CEP170B: variants seen among roughly 807,000 people sequenced by gnomAD.
CEP170B encodes the protein centrosomal protein of 170 kDa protein B.
In CEP170B, 55 loss-of-function variants were observed where a neutral mutation model predicts 120.6. That is an observed-to-expected ratio of 0.46 (90% CI 0.37 to 0.57). CEP170B has a LOEUF of 0.57. Ranked by LOEUF, CEP170B falls within the 20% of genes least tolerant of loss-of-function variation. The probability of loss-of-function intolerance (pLI) is 0.00; values close to 1 mark genes in which losing one functional copy is unlikely to be tolerated. For missense variants in CEP170B, 2,212 were observed against 2,253.3 expected, an observed-to-expected ratio of 0.98 and a Z score of 0.37; for synonymous variants, 1,033 against 954.5, an observed-to-expected ratio of 1.08 and a Z score of -1.52.
chr14:104,885,522 G>A lies in CEP170B; in HGVS notation c.1924G>A (p.Ala642Thr). 1.3e-6 allele frequency: 2 copies of A among 1,564,356 alleles called. No homozygotes were observed. Among genetic ancestry groups the A allele is most frequent in the South Asian group, 2.3e-5 (2 of 85,396 alleles). ...QEFASRPLGA[A>T]PQAEHQGLPV... is the part of the protein sequence containing the mutation. ...GTTTGCCTCCCGGCCACTGGGTGCG[G>A]CCCCCCAGGCGGAGCACCAGGTACA... The change falls in exon 10 of 19, where the codon GCC becomes ACC. Residue 642 changes from alanine (A) to threonine (T), a missense_variant. Ala to Thr is a moderately conservative substitution (Grantham distance 58). This residue lies in a region of CEP170B where 2,166 missense variants were observed against 2,166.7 expected (regional missense o/e 1.00). Coordinates refer to ENST00000414716, the MANE Select transcript of CEP170B (RefSeq NM_001112726.3).
intron 10 of CEP170B, 57 bp downstream of exon 10, chr14:104,885,599 A>C: frequency 1.3e-6 from 2 of 1,506,704 alleles, no homozygotes; most frequent in Non-Finnish European, 8.8e-7. Context: ...GGCAGCATCC[A>C]AGCCGGACCT....
rs767385509 is a variant in CEP170B at position 104,886,174 on chromosome 14, C to A, written c.2035+44C>A. ...GCGGGGGAGTCGGGCCAGGCCGGGG[C>A]GGGCCTCAGGCCACTGACCACGGAC... On this transcript the variant is annotated intron_variant, in intron 11 of 18. Coordinates refer to ENST00000414716, the MANE Select transcript of CEP170B (RefSeq NM_001112726.3). The A allele has an allele frequency of 2.7e-6, 4 of 1,490,452 alleles. No individual in the cohort carries two copies. In the East Asian group the frequency reaches 7.4e-5, roughly 28 times the overall value. 92.3% of individuals were successfully genotyped at this position (1,490,452 alleles called of 1,614,324 possible). A position where few individuals can be genotyped will look rare whatever the true frequency, so the allele number is the denominator to read the frequency against.
intron 13 of CEP170B, among the ~76,000 whole-genome samples, chr14:104,890,902 GGGATGGATGGAT>G (rs1318451155): frequency 9.7e-5 from 10 of 102,764 alleles, no homozygotes; most frequent in Non-Finnish European, 4.1e-5. Flanking sequence ...GGTGGATGGA[GGGATGGATGGAT>G]GGATGGATGG....
At position 104,886,019 on chromosome 14, in the gene CEP170B, C is replaced by T. The variant is rs781087699; in HGVS notation, c.1945-21C>T. ...GCCGTTGGGCTTGCGTGTGGAAACA[C>T]TCCCACCCTCCTCTCCACAGGGCCT... On this transcript the variant is annotated intron_variant, in intron 10 of 18. Coordinates refer to ENST00000414716, the MANE Select transcript of CEP170B (RefSeq NM_001112726.3). 2.4e-5 allele frequency: 36 copies of T among 1,519,928 alleles called. No homozygotes were observed. The African/African-American group carries it at 4.5e-4, about 19-fold the overall frequency. The allele number at this position is 1,519,928 out of a possible 1,614,324, so 94.2% of individuals were successfully genotyped here.
chr14:104,894,790 G>A lies in CEP170B; in HGVS notation c.4497G>A (p.Pro1499=), dbSNP rs749917796. The stretch of plus-strand genomic sequence containing the variant: ...GGAGCTTGGCCAGCTCTGCACAGCC[G>A]GGGCTGGGGAAGGGCCGCGTGGCTG... ...GNRSLASSAQ[P]GLGKGRVAAQ... Residue 1499 remains proline (P), a synonymous_variant, in exon 19 of 19, where the codon CCG becomes CCA. Transcript: ENST00000414716. 79 of 1,607,298 alleles carry A rather than the reference G, an allele frequency of 4.9e-5. No homozygotes were observed. Among genetic ancestry groups the A allele is most frequent in the Non-Finnish European group, 5.9e-5 (69 of 1,178,940 alleles).
At chr14:104,873,236 A>T (rs1275183824) in intron 2 of CEP170B, among the ~76,000 whole-genome samples, 2 of 149,700 alleles carry the variant, frequency 1.3e-5, no homozygotes, top group Non-Finnish European at 3.0e-5. Flanking sequence ...TCGGGGTGTT[A>T]ACAGGGTCCT....
chr14:104,868,224 G>A lies in CEP170B; in HGVS notation c.-27-200G>A, dbSNP rs1030626777. On this transcript the variant is annotated intron_variant, in intron 1 of 18. Transcript: ENST00000414716. This position sits in a 1 kb window ranked among gnomAD's most constrained non-coding sequence, Gnocchi z 5.9. Reference sequence around the variant, plus strand: ...AGGGATGGACGTGATGGGAAAGGCCGGTCACGAGGGCAAAGGCCTGGCAGT... The same window carrying A: ...AGGGATGGACGTGATGGGAAAGGCCAGTCACGAGGGCAAAGGCCTGGCAGT... Among the ~76,000 whole-genome samples the A allele has an allele frequency of 2.6e-5, 4 of 152,154 alleles. No individual in the cohort carries two copies. The highest frequency in any genetic ancestry group is 4.8e-5 in the African/African-American group (2 of 41,434).
At chr14:104,872,128 TGTGTGCGTGTGTGTGC>T (rs1595310210) in intron 2 of CEP170B, among the ~76,000 whole-genome samples, 7 of 149,818 alleles carry the variant, frequency 4.7e-5, no homozygotes, top group Admixed American at 2.7e-4. Context: ...GTGCGTCGTG[TGTGTGCGTGTGTGTGC>T]CGTGTGTGTG....
chr14:104,878,394 G>A (rs367553168), intron 4 of CEP170B, 49 bp from the exon 5 acceptor site: 42 of 1,590,674 alleles, frequency 2.6e-5, no homozygotes, highest in East Asian at 9.0e-5. Flanking sequence ...GGACTTCAGC[G>A]CTGGGCTCCT....
intron 14 of CEP170B, 119 bp downstream of exon 14, chr14:104,893,254 G>C (rs1053319068): frequency 8.8e-6 from 11 of 1,252,680 alleles, no homozygotes; most frequent in Non-Finnish European, 1.2e-5. Flanking sequence ...CCCACTTGGC[G>C]AGCTGGAACA....
chr14:104,893,126 C>T lies in CEP170B; in HGVS notation c.4029C>T (p.Ala1343=), dbSNP rs769398941. 25 of 1,608,730 alleles carry T rather than the reference C, an allele frequency of 1.6e-5. No individual in the cohort carries two copies. Among genetic ancestry groups the T allele is most frequent in the Middle Eastern group, 2.2e-4 (1 of 4,606 alleles). The change falls in exon 14 of 19, where the codon GCC becomes GCT. Residue 1343 remains alanine, a synonymous_variant. Transcript: ENST00000414716. The part of the protein sequence containing the change: ...MPSTPASTIS[A]REELVQRIPE... Reference sequence around the variant, plus strand: ...GCACCCCCGCCTCGACCATCTCTGCCCGGGAGGAGGTGAGCCCCAGGCTTT... The same window carrying T: ...GCACCCCCGCCTCGACCATCTCTGCTCGGGAGGAGGTGAGCCCCAGGCTTT...
In CEP170B at chr14:104,893,541, G is replaced by C. The variant is rs759732492; in HGVS notation, c.4057G>C (p.Glu1353Gln). Residue 1353 changes from glutamate to glutamine, a missense_variant, in exon 15 of 19, where the codon GAG (glutamate) becomes CAG (glutamine). Coordinates refer to ENST00000414716, the MANE Select transcript of CEP170B (RefSeq NM_001112726.3). ...AREELVQRIPEASLNFQKVPP... is the reference protein window; with the variant it reads ...AREELVQRIPQASLNFQKVPP... ...CTTGCAGCTGGTGCAGCGCATCCCCGAGGCCAGCCTCAACTTCCAGAAGGT... is the reference window on the plus strand; with the variant it reads ...CTTGCAGCTGGTGCAGCGCATCCCCCAGGCCAGCCTCAACTTCCAGAAGGT... 10 of 1,604,898 alleles carry C rather than the reference G, an allele frequency of 6.2e-6. No individual in the cohort carries two copies. Among genetic ancestry groups the C allele is most frequent in the Non-Finnish European group, 8.5e-6 (10 of 1,177,234 alleles).
chr14:104,895,713 C>T lies in CEP170B; in HGVS notation c.*755C>T, dbSNP rs974479978. Reference sequence around the variant, plus strand: ...TAGTCCAGGCGCCTCCACGCTGCACCGTGAGGACTGCAGGGCATGTCCCCG... The same window carrying T: ...TAGTCCAGGCGCCTCCACGCTGCACTGTGAGGACTGCAGGGCATGTCCCCG... On this transcript the variant is annotated 3_prime_UTR_variant, in exon 19 of 19. Transcript: ENST00000414716. 6.5e-6 allele frequency: 1 copy of T among 152,772 alleles called. No homozygotes were observed. Among genetic ancestry groups the T allele is most frequent in the Non-Finnish European group, 1.5e-5 (1 of 68,324 alleles). The allele number at this position is 152,772 out of a possible 1,614,324, so 9.5% of individuals were successfully genotyped here.
chr14:104,896,241 C>A lies in CEP170B; in HGVS notation c.*1283C>A. Reference sequence around the variant, plus strand: ...GCTGGAAGCGGGTGGTGTGTGTCCCCTGTTTACTTTTAGCTGAGCTGGGGT... The same window carrying A: ...GCTGGAAGCGGGTGGTGTGTGTCCCATGTTTACTTTTAGCTGAGCTGGGGT... On this transcript the variant is annotated 3_prime_UTR_variant, in exon 19 of 19. Transcript: ENST00000414716. The A allele has an allele frequency of 3.9e-6, 1 of 258,776 alleles. No individual in the cohort carries two copies. 16.0% of individuals were successfully genotyped at this position (258,776 alleles called of 1,614,324 possible).
At chr14:104,876,220 C>T (rs760658832) in intron 2 of CEP170B, 36 bp from the exon 3 acceptor site, 3 of 1,548,466 alleles carry the variant, frequency 1.9e-6, no homozygotes, top group East Asian at 4.9e-5. Context: ...ACCTCCTCCC[C>T]TGGAGCACCT....
In CEP170B at chr14:104,883,756, T is replaced by G. The variant is rs1896292202; in HGVS notation, c.1052-75T>G. ...TTGTCAACTCAGCTAAGGCATGGGG[T>G]GATGAGGCTGCCTGAGATCGACAGC... On this transcript the variant is annotated intron_variant, in intron 8 of 18. Transcript: ENST00000414716. 8 of 1,370,578 alleles carry G rather than the reference T, an allele frequency of 5.8e-6. No individual in the cohort carries two copies. In the African/African-American group the frequency reaches 7.3e-5, roughly 12 times the overall value. 84.9% of individuals were successfully genotyped at this position (1,370,578 alleles called of 1,614,324 possible). A position where few individuals can be genotyped will look rare whatever the true frequency, so the allele number is the denominator to read the frequency against.
At chr14:104,872,624 G>A (rs1391794468) in intron 2 of CEP170B, among the ~76,000 whole-genome samples, 1 of 152,148 alleles carries the variant, frequency 6.6e-6, no homozygotes, top group African/African-American at 2.4e-5. Context: ...TGTGACAGCT[G>A]GGATTTGCAC....
chr14:104,889,910 ATGGATGGATGGATGGATGGATGG>A (rs1566872445), intron 13 of CEP170B, among the ~76,000 whole-genome samples, 152 bp downstream of exon 13: 3 of 93,796 alleles, frequency 3.2e-5, no homozygotes, highest in Admixed American at 1.0e-4. Context: ...GGACAAATGG[ATGGATGGATGGATGGATGGATGG>A]ATGGATGGAT....
chr14:104,882,118 G>C (rs561988310), intron 6 of CEP170B, among the ~76,000 whole-genome samples: 3 of 152,286 alleles, frequency 2.0e-5, no homozygotes, highest in Non-Finnish European at 4.4e-5. Flanking sequence ...CATCAGGAAG[G>C]GCTGGGCTGC....
Sources: gnomAD v4.1 joint callset for allele counts (sites outside exome capture counted in the v4.1 genomes callset) on GRCh38, gnomAD v4.1.1 for gene constraint, gnomAD v4.1.1 regional missense constraint, Gnocchi (gnomAD v3.1) non-coding constraint, MANE v1.5 for transcripts, NCBI Gene and HGNC (gene_info 2026-07-23, HGNC 2026-07-21) for gene names.